Variants in MSTO1 observed in about 807,000 individuals in gnomAD.
MSTO1 encodes misato mitochondrial distribution and morphology regulator 1, also known as protein misato homolog 1.
In MSTO1, 24 loss-of-function variants were observed where a neutral mutation model predicts 55.7. That is an observed-to-expected ratio of 0.43 (90% CI 0.31 to 0.61). MSTO1 has a LOEUF of 0.61. Among genes scored for constraint, MSTO1 ranks in the 20% least tolerant of loss-of-function variants. The pLI, the probability that MSTO1 is intolerant of heterozygous loss-of-function variation, is 0.09. For missense variants in MSTO1, 363 were observed against 625.7 expected, an observed-to-expected ratio of 0.58 and a Z score of 4.48; for synonymous variants, 162 against 252.8, an observed-to-expected ratio of 0.64 and a Z score of 3.41.
chr1:155,606,335 C>T (rs1298823007), upstream of MSTO1, among the ~76,000 whole-genome samples: 3 of 146,694 alleles, frequency 2.0e-5, no homozygotes, highest in Non-Finnish European at 4.5e-5. Context: ...CTGGGGATTA[C>T]AGGTGAGAAC....
At chr1:155,593,605 T>C in the MSTO1 span, among the ~76,000 whole-genome samples, 2 of 152,196 alleles carry the variant, frequency 1.3e-5, no homozygotes, top group Admixed American at 1.3e-4. Context: ...TGTACAATAC[T>C]GTATTGCCTA....
upstream of MSTO1, among the ~76,000 whole-genome samples, chr1:155,608,646 G>C (rs1673072550): frequency 6.6e-6 from 1 of 150,898 alleles, no homozygotes; most frequent in Admixed American, 6.6e-5. Flanking sequence ...ACTACAGGTC[G>C]CGCCCGTCAC....
chr1:155,589,425 G>A, the MSTO1 span, among the ~76,000 whole-genome samples: 1 of 151,966 alleles, frequency 6.6e-6, no homozygotes, highest in African/African-American at 2.4e-5. Context: ...GTATTAGTCA[G>A]GGTTCTCTAC....
the MSTO1 span, among the ~76,000 whole-genome samples, chr1:155,604,026 G>T: frequency 6.6e-6 from 1 of 152,022 alleles, no homozygotes. Flanking sequence ...AGCTGAACTT[G>T]GATATCACCA....
chr1:155,583,222 C>CTT, the MSTO1 span, among the ~76,000 whole-genome samples: 76 of 133,904 alleles, frequency 5.7e-4, 1 homozygote, highest in African/African-American at 1.9e-3. Flanking sequence ...GAAGGTATAT[C>CTT]TTTTTTTTTT....
At position 155,613,309 on chromosome 1, in the gene MSTO1, A is replaced by G. The variant is rs1468024347; in HGVS notation, c.1283+76A>G. ...CATCTTCCCCTAATTTCTCTGGGGC[A>G]TTCTAATGATACTGTTCCCTCCCCA... On this transcript the variant is annotated intron_variant, in intron 11 of 13. Coordinates refer to ENST00000245564, the MANE Select transcript of MSTO1 (RefSeq NM_018116.4). 3.2e-6 allele frequency: 5 copies of G among 1,580,768 alleles called. No homozygotes were observed. The Admixed American group carries it at 5.3e-5, about 17-fold the overall frequency.
At chr1:155,613,333 C>T (rs1674746377) in intron 11 of MSTO1, 100 bp downstream of exon 11, 1 of 1,571,662 alleles carries the variant, frequency 6.4e-7, no homozygotes, top group Non-Finnish European at 8.6e-7. Flanking sequence ...GTTCCCTCCC[C>T]ACCCCTTAAA....
At chr1:155,567,308 ATT>A in the MSTO1 span, among the ~76,000 whole-genome samples, 20 of 123,372 alleles carry the variant, frequency 1.6e-4, no homozygotes, top group Middle Eastern at 4.3e-3. Flanking sequence ...AATTTTTGTA[ATT>A]TTTTTTTTTT....
At chr1:155,575,849 A>T in the MSTO1 span, among the ~76,000 whole-genome samples, 1 of 149,448 alleles carries the variant, frequency 6.7e-6, no homozygotes, top group Admixed American at 6.7e-5. Flanking sequence ...TTTGAGACAG[A>T]GTTCGCTCTG....
chr1:155,589,858 C>G, the MSTO1 span, among the ~76,000 whole-genome samples: 1 of 151,862 alleles, frequency 6.6e-6, no homozygotes, highest in Non-Finnish European at 1.5e-5. Context: ...TCCACTGACT[C>G]AAATGTTAAT....
chr1:155,582,697 G>A, the MSTO1 span, among the ~76,000 whole-genome samples: 3 of 151,462 alleles, frequency 2.0e-5, no homozygotes, highest in Non-Finnish European at 4.4e-5. Context: ...CTGACCCCGT[G>A]ATCCACCTGC....
At chr1:155,567,579 C>T in the MSTO1 span, among the ~76,000 whole-genome samples, 1 of 152,092 alleles carries the variant, frequency 6.6e-6, no homozygotes, top group Non-Finnish European at 1.5e-5. Flanking sequence ...GGATTACAGG[C>T]GTGAGCCACC....
chr1:155,583,041 A>AC, the MSTO1 span, among the ~76,000 whole-genome samples: 1 of 151,594 alleles, frequency 6.6e-6, no homozygotes, highest in Admixed American at 6.6e-5. Context: ...AATTAAAAAA[A>AC]AAAAAAAATT....
the MSTO1 span, chr1:155,602,259 A>T: frequency 3.5e-5 from 13 of 371,566 alleles, no homozygotes; most frequent in East Asian, 8.4e-4. Context: ...AGGGTGAATC[A>T]CTTGAGGTCG....
Position 155,614,934 on chromosome 1 carries a change from A to G in MSTO1, c.*661A>G. 7 of 1,215,044 alleles carry G rather than the reference A, an allele frequency of 5.8e-6. No individual in the cohort carries two copies. Among genetic ancestry groups the G allele is most frequent in the South Asian group, 1.3e-5 (1 of 77,246 alleles). 75.3% of individuals were successfully genotyped at this position (1,215,044 alleles called of 1,614,324 possible). ...AACATGTTAACATTTATGAAGCACT[A>G]TATATTGATTTGCAAAATCTTTTGT... On this transcript the variant is annotated 3_prime_UTR_variant, in exon 14 of 14. Transcript: ENST00000245564.
At chr1:155,582,933 G>A in the MSTO1 span, among the ~76,000 whole-genome samples, 5 of 151,196 alleles carry the variant, frequency 3.3e-5, no homozygotes, top group Non-Finnish European at 7.4e-5. Context: ...GCTGGAGTGC[G>A]CTGGTCACTG....
chr1:155,610,237 G>C lies in MSTO1; in HGVS notation c.-12G>C. On this transcript the variant is annotated 5_prime_UTR_variant, in exon 1 of 14. Transcript: ENST00000245564. ...GCGGCTGAGGCGCGGCGGCCCCGTG[G>C]AGCAGCGCAGTATGGCGGGCGGGGC... 2 of 617,378 alleles carry C rather than the reference G, an allele frequency of 3.2e-6. No individual in the cohort carries two copies. Among genetic ancestry groups the C allele is most frequent in the East Asian group, 5.4e-5 (2 of 37,320 alleles). The allele number at this position is 617,378 out of a possible 1,614,324, so 38.2% of individuals were successfully genotyped here.
At chr1:155,573,528 G>T in the MSTO1 span, among the ~76,000 whole-genome samples, 2 of 151,518 alleles carry the variant, frequency 1.3e-5, no homozygotes, top group African/African-American at 4.8e-5. Flanking sequence ...GCGAAACCCT[G>T]TCCCTACGGA....
At chr1:155,598,769 G>A in the MSTO1 span, 311 of 839,018 alleles carry the variant, frequency 3.7e-4, 4 homozygotes, top group South Asian at 4.1e-3. Flanking sequence ...GACAGTACAA[G>A]TGACCTTTCT....
Sources: allele counts gnomAD v4.1 joint callset (sites outside exome capture counted in the v4.1 genomes callset), GRCh38; gene constraint gnomAD v4.1.1; transcripts MANE v1.5; gene names NCBI Gene and HGNC (gene_info 2026-07-23, HGNC 2026-07-21).